The following DLGAP1 variants were observed in gnomAD, a reference collection of about 807,000 sequenced individuals.
DLGAP1 encodes DLG associated protein 1.
A neutral mutation model predicts 90.8 loss-of-function variants in DLGAP1; 11 were observed. The ratio of observed to expected loss-of-function variants is 0.12; its 90% CI spans 0.08 to 0.20. The LOEUF (loss-of-function observed/expected upper bound fraction) is 0.20. Ranked by LOEUF, DLGAP1 falls within the 10% of genes least tolerant of loss-of-function variation. DLGAP1 has a pLI of 1.00. For missense variants in DLGAP1, 1,050 were observed against 1,333.8 expected (o/e 0.79, Z 3.31); for synonymous variants, 558 against 540.7 (o/e 1.03, Z -0.44).
chr18:3,654,354 T>C (rs890255333), intron 7 of DLGAP1, among the ~76,000 whole-genome samples: 2 of 152,212 alleles, frequency 1.3e-5, no homozygotes, highest in Non-Finnish European at 2.9e-5. Flanking sequence ...CCTGGGGGTG[T>C]AGACCAGCCA....
At chr18:3,572,022 T>G (rs1192429247) in intron 8 of DLGAP1, among the ~76,000 whole-genome samples, 1 of 151,898 alleles carries the variant, frequency 6.6e-6, no homozygotes. Context: ...TATATTATAT[T>G]CTTTCACGTT....
rs2081222604 is a variant in DLGAP1 at position 4,342,869 on chromosome 18, C to G, written c.-267+112137G>C. ...ATTCATAGAGAACATTATTAACAAC[C>G]CTAGTAAATAGCTTTGCATAAACAA... On this transcript the variant is annotated intron_variant, in intron 1 of 12. Transcript: ENST00000315677. This position sits in a 1 kb window ranked among gnomAD's most constrained non-coding sequence, Gnocchi z 5.8. Among the ~76,000 whole-genome samples, 1 of 151,930 alleles carries G rather than the reference C, an allele frequency of 6.6e-6. No individual in the cohort carries two copies. The highest frequency in any genetic ancestry group is 1.5e-5 in the Non-Finnish European group (1 of 67,980).
intron 1 of DLGAP1, among the ~76,000 whole-genome samples, chr18:4,257,970 C>CGTGTGTGTGT (rs1568475452): frequency 1.1e-5 from 1 of 95,096 alleles, no homozygotes; most frequent in African/African-American, 3.9e-5. Context: ...AAGAGTTATA[C>CGTGTGTGTGT]ATATGTGTGT....
intron 3 of DLGAP1, among the ~76,000 whole-genome samples, chr18:3,893,086 A>G (rs2148862575): frequency 1.3e-5 from 2 of 151,918 alleles, no homozygotes; most frequent in Admixed American, 1.3e-4. Flanking sequence ...TCCAATGTCT[A>G]TTATTCCATT....
At chr18:3,668,564 C>T in intron 7 of DLGAP1, among the ~76,000 whole-genome samples, 1 of 146,416 alleles carries the variant, frequency 6.8e-6, no homozygotes, top group African/African-American at 2.5e-5. Flanking sequence ...TCCGTACCTT[C>T]TTCTGTGCCT....
intron 2 of DLGAP1, among the ~76,000 whole-genome samples, chr18:4,018,486 C>T (rs1439267050): frequency 2.0e-5 from 3 of 152,336 alleles, no homozygotes; most frequent in South Asian, 4.1e-4. Context: ...GCTGGCAGAA[C>T]GAGTACCTTG....
chr18:4,429,746 T>C (rs1376998941), intron 1 of DLGAP1, among the ~76,000 whole-genome samples: 5 of 151,988 alleles, frequency 3.3e-5, no homozygotes, highest in Admixed American at 3.3e-4. Context: ...TAAAGACATA[T>C]GTGGCAGCCC....
intron 7 of DLGAP1, among the ~76,000 whole-genome samples, chr18:3,628,175 C>T (rs1260371704): frequency 2.0e-5 from 3 of 149,920 alleles, no homozygotes; most frequent in Non-Finnish European, 4.4e-5. Context: ...TGCGCCTGGC[C>T]TTGTGCTATA....
At chr18:4,320,646 C>T (rs887473907) in intron 1 of DLGAP1, among the ~76,000 whole-genome samples, 2 of 152,068 alleles carry the variant, frequency 1.3e-5, no homozygotes, top group Non-Finnish European at 2.9e-5. Flanking sequence ...CTCTTGCCCT[C>T]ATGCATAAGG....
intron 1 of DLGAP1, among the ~76,000 whole-genome samples, chr18:4,154,021 C>T (rs910335632): frequency 6.6e-6 from 1 of 152,116 alleles, no homozygotes; most frequent in Non-Finnish European, 1.5e-5. Flanking sequence ...CTGCCTCCTG[C>T]TCCCTCTTTT....
chr18:4,402,611 A>G (rs2082578655), intron 1 of DLGAP1, among the ~76,000 whole-genome samples: 1 of 152,194 alleles, frequency 6.6e-6, no homozygotes, highest in African/African-American at 2.4e-5. Context: ...TCTCAAAGCC[A>G]ATTTTTTTTA....
intron 3 of DLGAP1, among the ~76,000 whole-genome samples, chr18:3,912,147 T>C (rs1446201076): frequency 6.6e-6 from 1 of 152,246 alleles, no homozygotes; most frequent in Non-Finnish European, 1.5e-5. Context: ...GTTTGTTACA[T>C]ATTAATCTGT....
At chr18:3,643,537 C>G (rs533814194) in intron 7 of DLGAP1, among the ~76,000 whole-genome samples, 2 of 152,066 alleles carry the variant, frequency 1.3e-5, no homozygotes, top group African/African-American at 4.8e-5. Context: ...GTGGCAGGCG[C>G]CTGTAGTTCC....
intron 1 of DLGAP1, among the ~76,000 whole-genome samples, chr18:4,151,602 A>G (rs1360876562): frequency 6.6e-6 from 1 of 152,234 alleles, no homozygotes; most frequent in Non-Finnish European, 1.5e-5. Flanking sequence ...CAATGATCCA[A>G]TTCTGTAAGA....
chr18:4,416,088 G>T (rs573634410), intron 1 of DLGAP1, among the ~76,000 whole-genome samples: 1 of 148,908 alleles, frequency 6.7e-6, no homozygotes, highest in Non-Finnish European at 1.5e-5. Flanking sequence ...CAAGCATTCT[G>T]GCTAGAATAT....
chr18:3,658,024 C>G (rs933860253), intron 7 of DLGAP1, among the ~76,000 whole-genome samples: 5 of 152,174 alleles, frequency 3.3e-5, no homozygotes, highest in African/African-American at 1.2e-4. Context: ...AACAAACTTA[C>G]TATTATTATA....
intron 7 of DLGAP1, among the ~76,000 whole-genome samples, chr18:3,715,564 T>C (rs2061734792): frequency 6.6e-6 from 1 of 152,228 alleles, no homozygotes; most frequent in South Asian, 2.1e-4. Flanking sequence ...TTGCCATGAC[T>C]CTTCACAATT....
chr18:4,124,323 C>A (rs1339676355), intron 2 of DLGAP1, among the ~76,000 whole-genome samples: 1 of 152,164 alleles, frequency 6.6e-6, no homozygotes, highest in East Asian at 1.9e-4. Context: ...ATGAATATTA[C>A]CAGAATTTAA....
At chr18:3,990,955 T>G (rs148002576) in intron 3 of DLGAP1, among the ~76,000 whole-genome samples, 1 of 152,062 alleles carries the variant, frequency 6.6e-6, no homozygotes, top group Admixed American at 6.5e-5. Context: ...ATGTATGTTA[T>G]TTATGTGAAG....
Sources: allele counts gnomAD v4.1 joint callset (sites outside exome capture counted in the v4.1 genomes callset), GRCh38; gene constraint gnomAD v4.1.1; non-coding constraint Gnocchi (gnomAD v3.1); transcripts MANE v1.5; gene names NCBI Gene and HGNC (gene_info 2026-07-23, HGNC 2026-07-21).